Variants in NFXL1 observed in about 807,000 individuals in gnomAD.
The protein encoded by NFXL1 is nuclear transcription factor, X-box binding like 1.
A neutral mutation model predicts 123.3 loss-of-function variants in NFXL1; 66 were observed. That is an observed-to-expected ratio of 0.54 (90% CI 0.44 to 0.66). NFXL1 has a LOEUF of 0.66. Ranked by LOEUF, NFXL1 falls within the 30% of genes least tolerant of loss-of-function variation. The probability of loss-of-function intolerance (pLI) is 0.00; values close to 1 mark genes in which losing one functional copy is unlikely to be tolerated. For synonymous variants in NFXL1, 346 were observed against 360.8 expected (o/e 0.96, Z 0.46); for missense variants, 944 against 1,125.6 (o/e 0.84, Z 2.31).
At chr4:47,858,677 C>T (rs553643137) in intron 19 of NFXL1, among the ~76,000 whole-genome samples, 1 of 152,204 alleles carries the variant, frequency 6.6e-6, no homozygotes, top group Admixed American at 6.5e-5. Flanking sequence ...GTAGTAAAAA[C>T]TGTAAATAAA....
chr4:47,904,231 G>A (rs536525897), intron 4 of NFXL1, among the ~76,000 whole-genome samples: 2 of 152,076 alleles, frequency 1.3e-5, no homozygotes, highest in Admixed American at 6.6e-5. Flanking sequence ...TGTAAAACAC[G>A]CCTTGGACTG....
chr4:47,870,523 G>C (rs1735368997), intron 18 of NFXL1, among the ~76,000 whole-genome samples: 1 of 152,122 alleles, frequency 6.6e-6, no homozygotes, highest in Non-Finnish European at 1.5e-5. Context: ...CACTGGACTG[G>C]AGATGTTAAC....
intron 12 of NFXL1, among the ~76,000 whole-genome samples, chr4:47,889,854 A>G (rs1736661981): frequency 6.6e-6 from 1 of 152,202 alleles, no homozygotes; most frequent in Non-Finnish European, 1.5e-5. Flanking sequence ...ATAGTTTTCC[A>G]GAAGCTAGTG....
intron 18 of NFXL1, among the ~76,000 whole-genome samples, chr4:47,866,440 C>T (rs1172468589): frequency 6.6e-6 from 1 of 152,090 alleles, no homozygotes; most frequent in Non-Finnish European, 1.5e-5. Flanking sequence ...TGTCCAAAAA[C>T]ATAAAGATAT....
chr4:47,885,165 T>G (rs1439318557), intron 14 of NFXL1, among the ~76,000 whole-genome samples: 1 of 151,088 alleles, frequency 6.6e-6, no homozygotes, highest in Non-Finnish European at 1.5e-5. Context: ...AAATAAATAT[T>G]AAATAAAATA....
At chr4:47,862,426 G>A (rs1435261586) in intron 19 of NFXL1, among the ~76,000 whole-genome samples, 3 of 152,006 alleles carry the variant, frequency 2.0e-5, no homozygotes, top group African/African-American at 4.8e-5. Flanking sequence ...AGCCATCCTC[G>A]CACATTATTC....
chr4:47,869,917 C>A (rs1236346476), intron 18 of NFXL1, among the ~76,000 whole-genome samples: 1 of 151,890 alleles, frequency 6.6e-6, no homozygotes, highest in Non-Finnish European at 1.5e-5. Context: ...CGGTAAGCAA[C>A]TACTTTACAA....
chr4:47,848,374 C>T, intron 22 of NFXL1, 38 bp from the exon 23 acceptor site: 5 of 1,429,304 alleles, frequency 3.5e-6, no homozygotes, highest in Non-Finnish European at 3.9e-6. Context: ...AAATTCAATG[C>T]ATACATTGAT....
At position 47,913,722 on chromosome 4, in the gene NFXL1, TAGGCAAGAGTGGAGGGAAGTAACAA is replaced by T. The variant is rs751993651; in HGVS notation, c.235+222_235+246del. Among the ~76,000 whole-genome samples, 218 of 152,242 alleles carry T rather than the reference TAGGCAAGAGTGGAGGGAAGTAACAA, an allele frequency of 1.4e-3. 3 individuals are homozygous for T. Among genetic ancestry groups the T allele is most frequent in the Non-Finnish European group, 2.7e-3 (185 of 68,022 alleles). On this transcript the variant is annotated intron_variant, in intron 2 of 22. Coordinates refer to ENST00000507489, the MANE Select transcript of NFXL1 (RefSeq NM_001278624.2). ...ACAACTGATGGTCTGGAGATTCAAG[TAGGCAAGAGTGGAGGGAAGTAACAA>T]AGGTAATACCACCTAAAATTAAGAT...
At chr4:47,886,658 T>G (rs1379621127) in intron 12 of NFXL1, among the ~76,000 whole-genome samples, 1 of 152,156 alleles carries the variant, frequency 6.6e-6, no homozygotes, top group South Asian at 2.1e-4. Flanking sequence ...CGTGAGCCAC[T>G]GCACCCAGCC....
chr4:47,865,501 A>C (rs1735004575), intron 18 of NFXL1, among the ~76,000 whole-genome samples: 1 of 62,990 alleles, frequency 1.6e-5, no homozygotes, highest in South Asian at 5.3e-4. Flanking sequence ...AAAAAAAAAA[A>C]CAACTCCTGA....
rs562988952 is a variant in NFXL1 at position 47,863,884 on chromosome 4, T to TAAA, written c.2247-970_2247-969insTTT. Among the ~76,000 whole-genome samples the TAAA allele has an allele frequency of 9.2e-5, 14 of 152,312 alleles. No homozygotes were observed. In the South Asian group the frequency reaches 2.9e-3, roughly 32 times the overall value. On this transcript the variant is annotated intron_variant, in intron 18 of 22. Coordinates refer to ENST00000507489, the MANE Select transcript of NFXL1 (RefSeq NM_001278624.2). ...CCCTATCACTTGCGTCTCACTTTTCTGTTTCCCATACCTTTTTTCTCCTTT... is the reference window on the plus strand; with the variant it reads ...CCCTATCACTTGCGTCTCACTTTTCTAAAGTTTCCCATACCTTTTTTCTCCTTT...
At chr4:47,885,679 T>C in intron 13 of NFXL1, 22 bp from the exon 14 acceptor site, 3 of 1,598,820 alleles carry the variant, frequency 1.9e-6, no homozygotes, top group Non-Finnish European at 2.6e-6. Flanking sequence ...AGTACAATTT[T>C]CAAAAATTAC....
intron 5 of NFXL1, among the ~76,000 whole-genome samples, chr4:47,901,491 C>A (rs989764491): frequency 1.3e-5 from 2 of 152,068 alleles, no homozygotes; most frequent in African/African-American, 4.8e-5. Flanking sequence ...AGGTTTAAAT[C>A]TCTAAACTAA....
At chr4:47,855,382 T>A (rs1162723432) in intron 19 of NFXL1, among the ~76,000 whole-genome samples, 1 of 151,162 alleles carries the variant, frequency 6.6e-6, no homozygotes, top group African/African-American at 2.4e-5. Flanking sequence ...TATTTAATTA[T>A]TCTCCCCAGC....
At chr4:47,892,027 G>A (rs1377035129) in intron 11 of NFXL1, among the ~76,000 whole-genome samples, 4 of 152,192 alleles carry the variant, frequency 2.6e-5, no homozygotes, top group Admixed American at 2.6e-4. Context: ...TTGCCAGTGG[G>A]GGAAAAGATT....
At chr4:47,870,492 G>C (rs1022747783) in intron 18 of NFXL1, among the ~76,000 whole-genome samples, 1 of 152,016 alleles carries the variant, frequency 6.6e-6, no homozygotes, top group African/African-American at 2.4e-5. Context: ...AAAGAAACAA[G>C]GCAGGGCCAA....
At chr4:47,897,227 A>G (rs1737135955) in intron 9 of NFXL1, among the ~76,000 whole-genome samples, 1 of 152,146 alleles carries the variant, frequency 6.6e-6, no homozygotes, top group African/African-American at 2.4e-5. Flanking sequence ...CAGGAGGATC[A>G]CTTGAGCCCA....
chr4:47,910,922 T>A lies in NFXL1; in HGVS notation c.308A>T (p.Glu103Val). 6.2e-7 allele frequency: 1 copy of A among 1,609,290 alleles called. No individual in the cohort carries two copies. The highest frequency in any genetic ancestry group is 8.5e-7 in the Non-Finnish European group (1 of 1,177,962). Reference sequence around the variant, plus strand: ...TTCTTCAGATGAAGAGCTAAACTGTTCTTCAACAAGTTTTCTGGCTGCAGC... The same window carrying A: ...TTCTTCAGATGAAGAGCTAAACTGTACTTCAACAAGTTTTCTGGCTGCAGC... ...NQAAARKLVE[E>V]QFSSSSEEGD... The change falls in exon 3 of 23, where the codon GAA becomes GTA. Residue 103 changes from glutamate (E) to valine (V), a missense_variant. Glu to Val is a moderately radical substitution (Grantham distance 121). Around this residue, in one of 4 missense-constraint regions of NFXL1, gnomAD observed 303 missense variants for 292.1 expected, o/e 1.04. Transcript: ENST00000507489.
Sources: gnomAD v4.1 joint callset for allele counts (sites outside exome capture counted in the v4.1 genomes callset) on GRCh38, gnomAD v4.1.1 for gene constraint, gnomAD v4.1.1 regional missense constraint, MANE v1.5 for transcripts, NCBI Gene and HGNC (gene_info 2026-07-23, HGNC 2026-07-21) for gene names.